CLEC4A: variants seen among roughly 807,000 people sequenced by gnomAD.
The protein encoded by CLEC4A is C-type lectin domain family 4 member A.
A neutral mutation model predicts 32.7 loss-of-function variants in CLEC4A; 27 were observed. That is an observed-to-expected ratio of 0.83 (90% CI 0.61 to 1.14). The LOEUF (loss-of-function observed/expected upper bound fraction) is 1.14, where lower values mean the gene tolerates loss of function less well. CLEC4A is among the 50% of genes most tolerant of loss of function. The probability of loss-of-function intolerance (pLI) is 0.00; values close to 1 mark genes in which losing one functional copy is unlikely to be tolerated. For synonymous variants in CLEC4A, 89 were observed against 93.7 expected (o/e 0.95, Z 0.29); for missense variants, 253 against 274.6 (o/e 0.92, Z 0.55).
chr12:8,111,884 CAG>C, the CLEC4A span, among the ~76,000 whole-genome samples: 42 of 150,610 alleles, frequency 2.8e-4, no homozygotes, highest in East Asian at 3.5e-3. Context: ...TTTTTAGACT[CAG>C]GGGGTACATG....
chr12:8,118,479 G>A, the CLEC4A span, among the ~76,000 whole-genome samples: 1 of 152,066 alleles, frequency 6.6e-6, no homozygotes, highest in African/African-American at 2.4e-5. Flanking sequence ...TATACAGGAA[G>A]CATAGCAGCT....
chr12:8,108,987 A>T, the CLEC4A span, among the ~76,000 whole-genome samples: 1 of 152,230 alleles, frequency 6.6e-6, no homozygotes, highest in Non-Finnish European at 1.5e-5. Context: ...GCATATTAGC[A>T]TGCGACCACT....
At chr12:8,132,110 T>A (rs1045580187) in intron 3 of CLEC4A, among the ~76,000 whole-genome samples, 4 of 152,190 alleles carry the variant, frequency 2.6e-5, no homozygotes, top group Non-Finnish European at 5.9e-5. Flanking sequence ...ATTTTGTAGT[T>A]CCAGCTTTGG....
At chr12:8,102,987 A>G in the CLEC4A span, among the ~76,000 whole-genome samples, 1 of 152,320 alleles carries the variant, frequency 6.6e-6, no homozygotes, top group African/African-American at 2.4e-5. Context: ...ACAGAGGTAT[A>G]TCTTAGACCT....
At chr12:8,112,117 C>T in the CLEC4A span, among the ~76,000 whole-genome samples, 7 of 152,006 alleles carry the variant, frequency 4.6e-5, no homozygotes, top group Non-Finnish European at 2.9e-5. Context: ...TACAGGCATG[C>T]ACCACCATGC....
At chr12:8,132,079 T>A (rs1244875661) in intron 3 of CLEC4A, among the ~76,000 whole-genome samples, 1 of 152,182 alleles carries the variant, frequency 6.6e-6, no homozygotes, top group Non-Finnish European at 1.5e-5. Context: ...TAAATTTTGG[T>A]TTATAATCCA....
intron 3 of CLEC4A, chr12:8,134,790 C>T (rs973142429): frequency 2.6e-5 from 41 of 1,552,102 alleles, no homozygotes; most frequent in Middle Eastern, 1.9e-4. Context: ...CCCCCCTGGC[C>T]CATCACCTCC....
At chr12:8,119,427 T>C (rs1331186867), upstream of CLEC4A, among the ~76,000 whole-genome samples, 1 of 152,214 alleles carries the variant, frequency 6.6e-6, no homozygotes, top group East Asian at 1.9e-4. Context: ...TTTCACCATG[T>C]TGGTCAGGCT....
upstream of CLEC4A, among the ~76,000 whole-genome samples, chr12:8,122,133 C>T (rs1236868706): frequency 6.6e-6 from 1 of 151,878 alleles, no homozygotes; most frequent in Admixed American, 6.6e-5. Flanking sequence ...GGAGGACCTG[C>T]ATGGAGTGTC....
At chr12:8,134,560 C>A in intron 3 of CLEC4A, 1 of 1,613,580 alleles carries the variant, frequency 6.2e-7, no homozygotes, top group Non-Finnish European at 8.5e-7. Flanking sequence ...ACTCCTGCTT[C>A]GCCCTCAGGC....
upstream of CLEC4A, among the ~76,000 whole-genome samples, chr12:8,122,654 G>A (rs1294512292): frequency 6.6e-6 from 1 of 152,118 alleles, no homozygotes; most frequent in African/African-American, 2.4e-5. Context: ...GAAAGACAAT[G>A]AAAGCAGGTT....
chr12:8,122,444 G>A (rs1947840850), upstream of CLEC4A, among the ~76,000 whole-genome samples: 1 of 151,172 alleles, frequency 6.6e-6, no homozygotes, highest in African/African-American at 2.4e-5. Flanking sequence ...GCAGGGTGAG[G>A]GGGATGTTTG....
Position 8,136,899 on chromosome 12 carries a change from T to C in CLEC4A, c.562T>C (p.Ser188Pro). ...TGATCAGACACCATACAATGAAAGT[T>C]CCACGTGAGTATAGAATGAGATAAA... ...WVDQTPYNES[S>P]TFWHPREPSD... The change falls in exon 5 of 6, where the codon TCC (serine) becomes CCC (proline). Residue 188 changes from serine (S) to proline (P), a missense_variant. Ser to Pro is a moderately conservative substitution (Grantham distance 74). Coordinates refer to ENST00000229332, the MANE Select transcript of CLEC4A (RefSeq NM_016184.4). The C allele has an allele frequency of 1.9e-6, 3 of 1,601,968 alleles. No homozygotes were observed. The highest frequency in any genetic ancestry group is 2.7e-5 in the African/African-American group (2 of 74,744).
rs192785684 is a variant in CLEC4A at position 8,127,081 on chromosome 12, G to A, written c.199+1404G>A. On this transcript the variant is annotated intron_variant, in intron 2 of 5. Transcript: ENST00000229332. ...CTATTTATTTAGCTCATAAATCTGT[G>A]TCTTGGCAATTGAGACTGGTGTCAG... Among the ~76,000 whole-genome samples the A allele has an allele frequency of 3.9e-5, 6 of 152,308 alleles. No individual in the cohort carries two copies. In the South Asian group the frequency reaches 6.2e-4, roughly 16 times the overall value.
chr12:8,117,055 T>G, the CLEC4A span, among the ~76,000 whole-genome samples: 1 of 152,148 alleles, frequency 6.6e-6, no homozygotes, highest in Non-Finnish European at 1.5e-5. Flanking sequence ...CTACAAGCAA[T>G]AAAGAATTCT....
rs993368844 is a variant in CLEC4A at position 8,134,003 on chromosome 12, T to C, written c.299-1582T>C. The C allele has an allele frequency of 1.9e-6, 3 of 1,606,486 alleles. No individual in the cohort carries two copies. In the African/African-American group the frequency reaches 4.0e-5, roughly 21 times the overall value. On this transcript the variant is annotated intron_variant, in intron 3 of 5. Transcript: ENST00000229332. ...ATAGCCACTGCTTGATCGCTTGCCC[T>C]TCTGGCGCCGGTTACAGAACCACAC...
chr12:8,131,267 A>T (rs1310100748), intron 3 of CLEC4A, among the ~76,000 whole-genome samples: 1 of 152,010 alleles, frequency 6.6e-6, no homozygotes, highest in African/African-American at 2.4e-5. Context: ...TTCCCTCCCC[A>T]CCCCTTTCCA....
rs772276514 is a variant in CLEC4A, at chr12:8,134,506, T to C, written c.299-1079T>C. 16 of 1,613,794 alleles carry C rather than the reference T, an allele frequency of 9.9e-6. No individual in the cohort carries two copies. In the Admixed American group the frequency reaches 1.2e-4, roughly 12 times the overall value. On this transcript the variant is annotated intron_variant, in intron 3 of 5. Coordinates refer to ENST00000229332, the MANE Select transcript of CLEC4A (RefSeq NM_016184.4). ...AGCTTCACGGCACCAGAGGGGACGG[T>C]GCAGGGCTCCGGGGAGGCCCCATCG...
rs1007610422 is a variant in CLEC4A at position 8,138,380 on chromosome 12, C to T, written c.*93C>T. ...TTCTTATTCATGTGTAAGGGAGGTC[C>T]ATAGAATTTAGGTGGTCTGTCAACT... On this transcript the variant is annotated 3_prime_UTR_variant, in exon 6 of 6. Coordinates refer to ENST00000229332, the MANE Select transcript of CLEC4A (RefSeq NM_016184.4). The T allele has an allele frequency of 6.8e-7, 1 of 1,470,100 alleles. No individual in the cohort carries two copies. The highest frequency in any genetic ancestry group is 1.3e-5 in the South Asian group (1 of 78,744). 91.1% of individuals were successfully genotyped at this position (1,470,100 alleles called of 1,614,324 possible).
Sources: gnomAD v4.1 joint callset for allele counts (sites outside exome capture counted in the v4.1 genomes callset) on GRCh38, gnomAD v4.1.1 for gene constraint, MANE v1.5 for transcripts, NCBI Gene and HGNC (gene_info 2026-07-23, HGNC 2026-07-21) for gene names.